Variants in ITSN1 observed in about 807,000 individuals in gnomAD.
ITSN1 encodes the protein intersectin 1.
A neutral mutation model predicts 239.8 loss-of-function variants in ITSN1; 58 were observed. That is an observed-to-expected ratio of 0.24 (90% CI 0.20 to 0.30). ITSN1 has a LOEUF of 0.30. ITSN1 is among the 10% of genes least tolerant of loss of function. ITSN1 has a pLI of 1.00. For synonymous variants in ITSN1, 780 were observed against 770.8 expected, an observed-to-expected ratio of 1.01 and a Z score of -0.20; for missense variants, 1,558 against 2,103.3, an observed-to-expected ratio of 0.74 and a Z score of 5.07.
chr21:33,683,904 A>C (rs1266074842), intron 1 of ITSN1, among the ~76,000 whole-genome samples: 1 of 152,212 alleles, frequency 6.6e-6, no homozygotes, highest in Admixed American at 6.5e-5. Context: ...GAATGTGTGC[A>C]AGAATGACAG....
rs777953537 is a variant in ITSN1, at chr21:33,772,065, G to A, written c.1047G>A (p.Thr349=). 14 of 1,614,092 alleles carry A rather than the reference G, an allele frequency of 8.7e-6. No homozygotes were observed. The highest frequency in any genetic ancestry group is 1.6e-4 in the Middle Eastern group (1 of 6,062). The change falls in exon 12 of 40, where the codon ACG becomes ACA. Residue 349 remains threonine (T), a synonymous_variant. Coordinates refer to ENST00000381318, the MANE Select transcript of ITSN1 (RefSeq NM_003024.3). ...TGCTGTGTTCCTTGTCTGAAGTAAC[G>A]TTTGAAGATAAGAAGCGGGAGAACT... ...QQQLEKKLPV[T]FEDKKRENFE...
At chr21:33,815,115 G>A (rs562593107) in intron 22 of ITSN1, among the ~76,000 whole-genome samples, 5 of 152,258 alleles carry the variant, frequency 3.3e-5, no homozygotes, top group Admixed American at 6.5e-5. Flanking sequence ...GCAGGCTGTC[G>A]GAATATAGAT....
intron 16 of ITSN1, 114 bp downstream of exon 16, chr21:33,782,247 C>A: frequency 9.6e-7 from 1 of 1,038,116 alleles, no homozygotes; most frequent in Non-Finnish European, 1.4e-6. Flanking sequence ...CATTGTGAGA[C>A]AATCTAAATT....
In ITSN1 at chr21:33,736,707, C is replaced by T. The variant is rs113026362; in HGVS notation, c.346+1503C>T. ...AAAATAATTCAAGGGTGTTTGGGGTCGAACACAGTGGCTCATGCCTGTAAT... is the reference window on the plus strand; with the variant it reads ...AAAATAATTCAAGGGTGTTTGGGGTTGAACACAGTGGCTCATGCCTGTAAT... On this transcript the variant is annotated intron_variant, in intron 5 of 39. Transcript: ENST00000381318. 7.2e-3 allele frequency among the ~76,000 whole-genome samples: 1,098 copies of T among 152,314 alleles called. 14 individuals are homozygous for T. Among genetic ancestry groups the T allele is most frequent in the African/African-American group, 0.025 (1,044 of 41,550 alleles).
At chr21:33,819,629 C>T (rs547696615) in intron 24 of ITSN1, among the ~76,000 whole-genome samples, 1 of 152,342 alleles carries the variant, frequency 6.6e-6, no homozygotes, top group East Asian at 1.9e-4. Context: ...AAACTATGGT[C>T]ATTGCTTCAC....
At chr21:33,718,387 G>A (rs1252587242) in intron 1 of ITSN1, among the ~76,000 whole-genome samples, 1 of 152,258 alleles carries the variant, frequency 6.6e-6, no homozygotes, top group Non-Finnish European at 1.5e-5. Flanking sequence ...TTTGGGGGAA[G>A]AAATTATGTC....
At chr21:33,738,238 A>G (rs1374418492) in intron 5 of ITSN1, among the ~76,000 whole-genome samples, 2 of 152,076 alleles carry the variant, frequency 1.3e-5, no homozygotes, top group Non-Finnish European at 2.9e-5. Context: ...GCCCTTATAT[A>G]TAGTATGTGC....
At position 33,803,508 on chromosome 21, in the gene ITSN1, TAC is replaced by T. The variant is rs551650298; in HGVS notation, c.2319+1068_2319+1069del. 2.4e-4 allele frequency among the ~76,000 whole-genome samples: 36 copies of T among 152,366 alleles called. No homozygotes were observed. In the South Asian group the frequency reaches 7.4e-3, roughly 32 times the overall value. ...GATTAAAACTTATGTAGATCACATA[TAC>T]ACATAAGATTTCCATCAAAAAAGCA... On this transcript the variant is annotated intron_variant, in intron 20 of 39. Coordinates refer to ENST00000381318, the MANE Select transcript of ITSN1 (RefSeq NM_003024.3).
chr21:33,720,377 C>T (rs894156877), intron 2 of ITSN1, among the ~76,000 whole-genome samples: 8 of 152,062 alleles, frequency 5.3e-5, no homozygotes, highest in Non-Finnish European at 8.8e-5. Context: ...GGAAGGTGTC[C>T]GAGCTTTTGA....
At chr21:33,838,154 G>T in intron 29 of ITSN1, 1 of 985,494 alleles carries the variant, frequency 1.0e-6, no homozygotes, top group Non-Finnish European at 1.2e-6. Context: ...TTAAACACTA[G>T]TTGGAAGCTC....
rs192352929 is a variant in ITSN1, at chr21:33,882,197, G to A, written c.4342-46G>A. ...TGATGGAGCCCATGCTTTCAGATGC[G>A]GAGAAACAAAAATGCTACACTTTGG... On this transcript the variant is annotated intron_variant, in intron 34 of 39. Coordinates refer to ENST00000381318, the MANE Select transcript of ITSN1 (RefSeq NM_003024.3). The surrounding 1 kb of genome is among the most constrained non-coding windows in gnomAD (Gnocchi z 4.5). The A allele has an allele frequency of 1.6e-4, 254 of 1,553,856 alleles. 1 individual carries two copies. In the African/African-American group the frequency reaches 3.3e-3, roughly 20 times the overall value.
Position 33,888,403 on chromosome 21 carries a change from C to T in ITSN1, c.*103C>T, listed in dbSNP as rs1017754455. On this transcript the variant is annotated 3_prime_UTR_variant, in exon 40 of 40. Transcript: ENST00000381318. ...AAGAAACCACCATTTGGTATTCAGT[C>T]ACAGGGATATGGGATGGCAAAGACA... The T allele has an allele frequency of 3.2e-6, 4 of 1,245,702 alleles. No individual in the cohort carries two copies. Among genetic ancestry groups the T allele is most frequent in the South Asian group, 1.5e-5 (1 of 66,490 alleles). The allele number at this position is 1,245,702 out of a possible 1,614,324, so 77.2% of individuals were successfully genotyped here.
chr21:33,656,779 C>T (rs1325091899), intron 1 of ITSN1, among the ~76,000 whole-genome samples: 5 of 152,098 alleles, frequency 3.3e-5, no homozygotes, highest in Non-Finnish European at 7.4e-5. Flanking sequence ...CGTGCGATCT[C>T]GGCTCACTGC....
chr21:33,809,079 A>G (rs755749019), intron 20 of ITSN1, among the ~76,000 whole-genome samples: 2 of 152,232 alleles, frequency 1.3e-5, no homozygotes, highest in Non-Finnish European at 2.9e-5. Flanking sequence ...GAAGATCCAA[A>G]TGGGGGAAAA....
chr21:33,820,645 A>G (rs1326371916), intron 24 of ITSN1, among the ~76,000 whole-genome samples: 1 of 152,188 alleles, frequency 6.6e-6, no homozygotes, highest in Non-Finnish European at 1.5e-5. Context: ...AATTTTTTTT[A>G]GTTCATAGTA....
At chr21:33,826,924 C>G (rs575861681) in intron 26 of ITSN1, 61 bp downstream of exon 26, 12 of 1,405,314 alleles carry the variant, frequency 8.5e-6, no homozygotes, top group Non-Finnish European at 1.0e-5. Context: ...TAGTTGCTCC[C>G]CATCTTTGTG....
intron 1 of ITSN1, among the ~76,000 whole-genome samples, chr21:33,689,708 C>T (rs929159762): frequency 3.9e-5 from 6 of 152,126 alleles, no homozygotes; most frequent in Admixed American, 1.3e-4. Context: ...TGGCTCATGC[C>T]TGTAATGCTA....
intron 1 of ITSN1, chr21:33,644,041 C>T (rs2087701605): frequency 6.6e-6 from 1 of 152,132 alleles, no homozygotes; most frequent in African/African-American, 2.4e-5. Context: ...CTCTAAACCC[C>T]CAAAATATGA....
Position 33,888,399 on chromosome 21 carries a change from CA to C in ITSN1, c.*100del. The C allele has an allele frequency of 1.6e-6, 2 of 1,274,774 alleles. No homozygotes were observed. Among genetic ancestry groups the C allele is most frequent in the Non-Finnish European group, 2.2e-6 (2 of 927,578 alleles). 79.0% of individuals were successfully genotyped at this position (1,274,774 alleles called of 1,614,324 possible). A position where few individuals can be genotyped will look rare whatever the true frequency, so the allele number is the denominator to read the frequency against. On this transcript the variant is annotated 3_prime_UTR_variant, in exon 40 of 40. Transcript: ENST00000381318. ...TTCTAAGAAACCACCATTTGGTATT[CA>C]GTCACAGGGATATGGGATGGCAAAG...
Sources: gnomAD v4.1 joint callset for allele counts (sites outside exome capture counted in the v4.1 genomes callset) on GRCh38, gnomAD v4.1.1 for gene constraint, Gnocchi (gnomAD v3.1) non-coding constraint, MANE v1.5 for transcripts, NCBI Gene and HGNC (gene_info 2026-07-23, HGNC 2026-07-21) for gene names.